Variants in ANKRD30A observed in about 807,000 individuals in gnomAD.
ANKRD30A encodes ankyrin repeat domain-containing protein 30A.
ANKRD30A carries 170 observed loss-of-function variants against 166.3 expected under a neutral mutation model. That is an observed-to-expected ratio of 1.02 (90% CI 0.90 to 1.16). The LOEUF is 1.16. ANKRD30A is among the 50% of genes most tolerant of loss of function. The pLI, the probability that ANKRD30A is intolerant of heterozygous loss-of-function variation, is 0.00. For synonymous variants in ANKRD30A, 564 were observed against 508.9 expected, an observed-to-expected ratio of 1.11 and a Z score of -1.46; for missense variants, 1,630 against 1,518.0, an observed-to-expected ratio of 1.07 and a Z score of -1.23.
chr10:37,217,900 A>C (rs755410885), intron 33 of ANKRD30A, 22 bp downstream of exon 33: 101 of 1,464,884 alleles, frequency 6.9e-5, no homozygotes, highest in Non-Finnish European at 8.3e-5. Flanking sequence ...TCTGATAAAA[A>C]TTTTATATTT....
intron 1 of ANKRD30A, 80 bp downstream of exon 1, chr10:37,126,088 G>A (rs1835990618): frequency 3.4e-6 from 5 of 1,479,440 alleles, no homozygotes; most frequent in South Asian, 1.1e-5. Context: ...TCGGGGGCTG[G>A]GGGGCCTGGG....
At chr10:37,236,279 G>A (rs909822920), downstream of ANKRD30A, among the ~76,000 whole-genome samples, 2 of 152,104 alleles carry the variant, frequency 1.3e-5, no homozygotes, top group Admixed American at 6.6e-5. Flanking sequence ...CAACATACCC[G>A]CTTTATTGCT....
chr10:37,151,984 G>T (rs1837972720), intron 11 of ANKRD30A, 76 bp from the exon 12 acceptor site: 1 of 1,324,262 alleles, frequency 7.6e-7, no homozygotes, highest in Non-Finnish European at 1.1e-6. Context: ...GTGAATGAAA[G>T]TAGATTTGTA....
At chr10:37,248,040 AAT>A in the ANKRD30A span, 1 of 374,520 alleles carries the variant, frequency 2.7e-6, no homozygotes, top group Non-Finnish European at 5.2e-6. Context: ...AAAAAAAAAA[AAT>A]CATGTGGTAG....
At chr10:37,144,366 A>C (rs1837357320) in intron 7 of ANKRD30A, among the ~76,000 whole-genome samples, 1 of 152,154 alleles carries the variant, frequency 6.6e-6, no homozygotes, top group Non-Finnish European at 1.5e-5. Context: ...GTTGATTCTG[A>C]AGGTATTGTT....
chr10:37,255,624 A>T, the ANKRD30A span, among the ~76,000 whole-genome samples: 1 of 152,204 alleles, frequency 6.6e-6, no homozygotes, highest in Non-Finnish European at 1.5e-5. Context: ...GTAGTCATTA[A>T]GCAATAACTC....
chr10:37,193,350 A>G (rs1283715680), intron 27 of ANKRD30A, 92 bp downstream of exon 27: 8 of 1,394,144 alleles, frequency 5.7e-6, no homozygotes, highest in East Asian at 2.5e-5. Context: ...GTTGTTTTCT[A>G]TTCATAATTT....
intron 13 of ANKRD30A, among the ~76,000 whole-genome samples, chr10:37,154,884 A>C (rs1838243501): frequency 6.6e-6 from 1 of 152,070 alleles, no homozygotes; most frequent in African/African-American, 2.4e-5. Context: ...TGACTCATTA[A>C]TTTTCTTTAT....
At chr10:37,129,579 C>G (rs1019703961) in intron 1 of ANKRD30A, among the ~76,000 whole-genome samples, 6 of 152,134 alleles carry the variant, frequency 3.9e-5, no homozygotes, top group Admixed American at 1.3e-4. Flanking sequence ...TGTTCATCTT[C>G]ATTTTGTTGA....
intron 34 of ANKRD30A, among the ~76,000 whole-genome samples, chr10:37,225,612 A>G (rs904332819): frequency 1.8e-4 from 27 of 151,872 alleles, no homozygotes; most frequent in African/African-American, 6.3e-4. Flanking sequence ...GAGCAGTGAA[A>G]GAGATTTTTA....
At chr10:37,179,135 G>T (rs1434270726) in intron 24 of ANKRD30A, among the ~76,000 whole-genome samples, 1 of 148,354 alleles carries the variant, frequency 6.7e-6, no homozygotes, top group Non-Finnish European at 1.5e-5. Context: ...AAGAACCTTG[G>T]CTTTATTTTT....
chr10:37,147,504 C>T lies in ANKRD30A; in HGVS notation c.1543+47C>T, dbSNP rs528840320. ...AAAAGTCTTTTAACCATATGTTTGTCTAAATGCATGATGACTGATATACTC... is the reference window on the plus strand; with the variant it reads ...AAAAGTCTTTTAACCATATGTTTGTTTAAATGCATGATGACTGATATACTC... On this transcript the variant is annotated intron_variant, in intron 9 of 35. Transcript: ENST00000361713. 1.9e-5 allele frequency: 25 copies of T among 1,307,506 alleles called. No individual in the cohort carries two copies. In the African/African-American group the frequency reaches 3.6e-4, roughly 19 times the overall value. The allele number at this position is 1,307,506 out of a possible 1,614,324, so 81.0% of individuals were successfully genotyped here.
chr10:37,224,309 A>G (rs985249148), intron 34 of ANKRD30A, among the ~76,000 whole-genome samples: 48 of 151,170 alleles, frequency 3.2e-4, no homozygotes, highest in African/African-American at 1.2e-3. Flanking sequence ...TTTAAACATC[A>G]TCAAAAATTA....
intron 34 of ANKRD30A, among the ~76,000 whole-genome samples, chr10:37,221,934 G>C (rs965589311): frequency 6.6e-6 from 1 of 151,302 alleles, no homozygotes; most frequent in Non-Finnish European, 1.5e-5. Context: ...AATATACACA[G>C]TATTAGAATA....
At position 37,226,574 on chromosome 10, in the gene ANKRD30A, A is replaced by G. The variant is rs1468253783; in HGVS notation, c.4186-4887A>G. On this transcript the variant is annotated intron_variant, in intron 34 of 35. Coordinates refer to ENST00000361713, the MANE Select transcript of ANKRD30A (RefSeq NM_052997.3). ...ATTTCATTGTCTAGATACATCAAACATTTTATTTACCCACTCATCAGTTGA... is the reference window on the plus strand; with the variant it reads ...ATTTCATTGTCTAGATACATCAAACGTTTTATTTACCCACTCATCAGTTGA... Among the ~76,000 whole-genome samples the G allele has an allele frequency of 4.0e-5, 6 of 151,872 alleles. No individual in the cohort carries two copies. The East Asian group carries it at 1.2e-3, about 30-fold the overall frequency.
chr10:37,152,048 A>G lies in ANKRD30A; in HGVS notation c.1646-12A>G, dbSNP rs1424935797. The G allele has an allele frequency of 2.5e-6, 4 of 1,599,812 alleles. No homozygotes were observed. The Admixed American group carries it at 6.8e-5, about 27-fold the overall frequency. On this transcript the variant is annotated splice_polypyrimidine_tract_variant and intron_variant, in intron 11 of 35. Transcript: ENST00000361713. The stretch of plus-strand genomic sequence containing the variant: ...TGTTGTCATGAATGTTTCTGTGATT[A>G]ACCTTTTATAGATCCGATGTTCCCA...
intron 32 of ANKRD30A, 49 bp downstream of exon 32, chr10:37,216,443 C>T: frequency 6.7e-7 from 1 of 1,497,834 alleles, no homozygotes; most frequent in East Asian, 2.3e-5. Flanking sequence ...TATACTAAAA[C>T]TACGTAGGAT....
At chr10:37,195,269 A>G (rs1840983898) in intron 27 of ANKRD30A, among the ~76,000 whole-genome samples, 1 of 152,206 alleles carries the variant, frequency 6.6e-6, no homozygotes, top group Non-Finnish European at 1.5e-5. Flanking sequence ...TCAAAAAGAT[A>G]TAAATCAAAC....
At chr10:37,250,037 T>C in the ANKRD30A span, among the ~76,000 whole-genome samples, 9,207 of 151,958 alleles carry the variant, frequency 0.061, 397 homozygotes, top group Middle Eastern at 0.11. Flanking sequence ...TTCGTCAAGA[T>C]TGTGGCATAT....
Sources: allele counts gnomAD v4.1 joint callset (sites outside exome capture counted in the v4.1 genomes callset), GRCh38; gene constraint gnomAD v4.1.1; transcripts MANE v1.5; gene names NCBI Gene and HGNC (gene_info 2026-07-23, HGNC 2026-07-21).